Variants in SPINK5 observed in about 807,000 individuals in gnomAD.
SPINK5 encodes serine peptidase inhibitor Kazal type 5.
Under a neutral mutation model 151.8 loss-of-function variants are expected in SPINK5, and 125 were observed. The ratio of observed to expected loss-of-function variants is 0.82; its 90% CI spans 0.71 to 0.96. SPINK5 has a LOEUF of 0.96. SPINK5 is among the 40% of genes least tolerant of loss of function. The pLI, the probability that SPINK5 is intolerant of heterozygous loss-of-function variation, is 0.00. For missense variants in SPINK5, 1,194 were observed against 1,291.9 expected (o/e 0.92, Z 1.16); for synonymous variants, 374 against 395.3 (o/e 0.95, Z 0.64).
chr5:148,085,923 AGG>A (rs1753141649), intron 4 of SPINK5, among the ~76,000 whole-genome samples: 1 of 151,944 alleles, frequency 6.6e-6, no homozygotes, highest in South Asian at 2.1e-4. Flanking sequence ...TAAAGCATAG[AGG>A]TGTTAAATAA....
Position 148,131,395 on chromosome 5 carries a change from T to G in SPINK5, c.3095+6T>G, listed in dbSNP as rs1448181964. ...ATGCTCTGTCATGAAAACCTGTAAG[T>G]ATTCAAGTTGCCCCATCATATCTTC... On this transcript the variant is annotated splice_donor_region_variant and intron_variant, in intron 31 of 32. Coordinates refer to ENST00000256084, the MANE Select transcript of SPINK5 (RefSeq NM_006846.4). 1.2e-6 allele frequency: 2 copies of G among 1,613,790 alleles called. No homozygotes were observed. The highest frequency in any genetic ancestry group is 1.1e-5 in the South Asian group (1 of 91,080).
rs1430776704 is a variant in SPINK5 at position 148,094,415 on chromosome 5, G to A, written c.728G>A (p.Ser243Asn). The change falls in exon 9 of 33, where the codon AGT (serine) becomes AAT (asparagine). Residue 243 changes from serine to asparagine, a missense_variant. By Grantham distance (46) the Ser-to-Asn change is conservative (BLOSUM62 1). Transcript: ENST00000256084. ...GGAAGGCTTTTTTGTACACGGGAGA[G>A]TGATCCAGTCCGTGGCCCTGACGGC... ...RNGRLFCTRESDPVRGPDGRM... is the reference protein window; with the variant it reads ...RNGRLFCTRENDPVRGPDGRM... The A allele has an allele frequency of 1.2e-6, 2 of 1,612,914 alleles. No homozygotes were observed. The highest frequency in any genetic ancestry group is 3.3e-5 in the Admixed American group (2 of 59,912).
Position 148,086,395 on chromosome 5 carries a change from T to G in SPINK5, c.283-10T>G. ...TACATTTTGACGTTCCTTGATCATG[T>G]CTTTTGCAGCTGAATTGTGATGATT... On this transcript the variant is annotated splice_polypyrimidine_tract_variant and intron_variant, in intron 4 of 32. Coordinates refer to ENST00000256084, the MANE Select transcript of SPINK5 (RefSeq NM_006846.4). The G allele has an allele frequency of 1.9e-6, 3 of 1,609,854 alleles. No homozygotes were observed. Among genetic ancestry groups the G allele is most frequent in the Non-Finnish European group, 8.5e-7 (1 of 1,178,208 alleles).
At chr5:148,086,334 T>C in intron 4 of SPINK5, 71 bp from the exon 5 acceptor site, 1 of 1,573,668 alleles carries the variant, frequency 6.4e-7, no homozygotes, top group Non-Finnish European at 8.6e-7. Flanking sequence ...CTTAAAATGT[T>C]AATCTATTTA....
chr5:148,091,608 T>C, intron 8 of SPINK5, among the ~76,000 whole-genome samples: 1 of 151,932 alleles, frequency 6.6e-6, no homozygotes, highest in East Asian at 1.9e-4. Flanking sequence ...GAAATATAAA[T>C]TAAACAGGAA....
intron 9 of SPINK5, 79 bp from the exon 10 acceptor site, chr5:148,095,739 T>C (rs1222327227): frequency 1.6e-6 from 2 of 1,253,288 alleles, no homozygotes; most frequent in African/African-American, 2.9e-5. Context: ...AACTTAGATA[T>C]TTTTCCATCT....
intron 25 of SPINK5, 79 bp downstream of exon 25, chr5:148,120,215 C>T: frequency 6.2e-7 from 1 of 1,610,942 alleles, no homozygotes; most frequent in Admixed American, 1.7e-5. Context: ...GGGAAAATGA[C>T]AATTGTTTTA....
At chr5:148,122,768 C>T (rs1754303350) in intron 26 of SPINK5, among the ~76,000 whole-genome samples, 2 of 151,822 alleles carry the variant, frequency 1.3e-5, no homozygotes, top group South Asian at 4.2e-4. Flanking sequence ...TTATTTTTCT[C>T]ATCTGTAGAA....
At position 148,083,374 on chromosome 5, in the gene SPINK5, T is replaced by C. The variant is rs535486013; in HGVS notation, c.283-3031T>C. 2.6e-5 allele frequency among the ~76,000 whole-genome samples: 4 copies of C among 151,644 alleles called. No individual in the cohort carries two copies. The East Asian group carries it at 7.8e-4, about 30-fold the overall frequency. ...TCTTTTTTAAACATCAAATTACCAA[T>C]TGTCTCTTAATTTGTAGGTTTAGCA... On this transcript the variant is annotated intron_variant, in intron 4 of 32. Coordinates refer to ENST00000256084, the MANE Select transcript of SPINK5 (RefSeq NM_006846.4).
At chr5:148,136,026 CA>C (rs999789197) in intron 32 of SPINK5, among the ~76,000 whole-genome samples, 4 of 152,084 alleles carry the variant, frequency 2.6e-5, no homozygotes, top group African/African-American at 9.7e-5. Flanking sequence ...TACAGAAAAT[CA>C]TCCTGGGGGA....
intron 29 of SPINK5, among the ~76,000 whole-genome samples, chr5:148,126,752 C>G (rs1055078611): frequency 6.6e-6 from 1 of 151,988 alleles, no homozygotes; most frequent in African/African-American, 2.4e-5. Flanking sequence ...CCACCATGCC[C>G]AGCTAATTTT....
intron 15 of SPINK5, among the ~76,000 whole-genome samples, chr5:148,102,414 A>T (rs1009690042): frequency 6.6e-6 from 1 of 152,186 alleles, no homozygotes; most frequent in Non-Finnish European, 1.5e-5. Flanking sequence ...AAAGATAAGT[A>T]TCATGAGACA....
chr5:148,101,611 T>C (rs913848340), intron 14 of SPINK5, among the ~76,000 whole-genome samples, 170 bp from the exon 15 acceptor site: 7 of 152,202 alleles, frequency 4.6e-5, no homozygotes, highest in Admixed American at 4.6e-4. Flanking sequence ...TTCTTGGTTG[T>C]TGGGTTCATT....
chr5:148,133,734 A>T, intron 31 of SPINK5, 63 bp from the exon 32 acceptor site: 3 of 1,547,986 alleles, frequency 1.9e-6, no homozygotes, highest in Non-Finnish European at 2.7e-6. Flanking sequence ...GTTGGTCCTT[A>T]TTTATTTTCT....
Position 148,088,587 on chromosome 5 carries a change from G to C in SPINK5, c.456G>C (p.Lys152Asn), listed in dbSNP as rs777350307. Reference sequence around the variant, plus strand: ...GTGTAAAAAGTGAAGGGGAATGTAAGAGCAGTAATCCAGAGCAGGTGAGGT... The same window carrying C: ...GTGTAAAAAGTGAAGGGGAATGTAACAGCAGTAATCCAGAGCAGGTGAGGT... The part of the protein sequence containing the change: ...QIGVKSEGEC[K>N]SSNPEQDVCS... Residue 152 changes from lysine (K) to asparagine (N), a missense_variant, in exon 6 of 33, where the codon AAG becomes AAC. Physicochemically the swap from Lys to Asn is moderately conservative, Grantham distance 94. Transcript: ENST00000256084. The C allele has an allele frequency of 3.1e-6, 5 of 1,611,676 alleles. No individual in the cohort carries two copies. In the South Asian group the frequency reaches 5.5e-5, roughly 18 times the overall value.
chr5:148,123,111 G>A (rs546437614), intron 26 of SPINK5, among the ~76,000 whole-genome samples: 2 of 151,600 alleles, frequency 1.3e-5, no homozygotes, highest in South Asian at 4.2e-4. Flanking sequence ...TGCTTTGGGA[G>A]GCCAATGCGA....
rs1323190628 is a variant in SPINK5, at chr5:148,127,668, A to G, written c.2964+589A>G. 1.3e-5 allele frequency among the ~76,000 whole-genome samples: 2 copies of G among 152,038 alleles called. 1 individual carries two copies. The highest frequency in any genetic ancestry group is 2.9e-5 in the Non-Finnish European group (2 of 67,996). ...GGAGTTTGAGACCACTGTGGGCAAC[A>G]TGGTGAAACTCTGTCTCTAGAAAAC... On this transcript the variant is annotated intron_variant, in intron 30 of 32. Transcript: ENST00000256084.
chr5:148,128,067 G>C (rs1754479056), intron 30 of SPINK5, among the ~76,000 whole-genome samples: 1 of 151,832 alleles, frequency 6.6e-6, no homozygotes, highest in Non-Finnish European at 1.5e-5. Context: ...GAGAAAGAAA[G>C]GTATCAAACA....
At chr5:148,133,937 G>A in intron 32 of SPINK5, 50 bp downstream of exon 32, 1 of 1,592,986 alleles carries the variant, frequency 6.3e-7, no homozygotes. Context: ...GAGGAGCACT[G>A]GGTTCTGGTT....
Sources: gnomAD v4.1 joint callset for allele counts (sites outside exome capture counted in the v4.1 genomes callset) on GRCh38, gnomAD v4.1.1 for gene constraint, MANE v1.5 for transcripts, NCBI Gene and HGNC (gene_info 2026-07-23, HGNC 2026-07-21) for gene names.